Variants in SV2C observed in about 807,000 individuals in gnomAD.
The protein encoded by SV2C is solute carrier family 22 member B3.
A neutral mutation model predicts 79.7 loss-of-function variants in SV2C; 49 were observed. The observed-to-expected ratio is 0.61, with a 90% CI of 0.49 to 0.78. The LOEUF (loss-of-function observed/expected upper bound fraction) is 0.78, where lower values mean the gene tolerates loss of function less well. SV2C is among the 30% of genes least tolerant of loss of function. The probability of loss-of-function intolerance (pLI) is 0.00; values close to 1 mark genes in which losing one functional copy is unlikely to be tolerated. For synonymous variants in SV2C, 334 were observed against 333.2 expected, an observed-to-expected ratio of 1.00 and a Z score of -0.03; for missense variants, 833 against 912.9, an observed-to-expected ratio of 0.91 and a Z score of 1.13.
chr5:76,290,427 T>G (rs576360933), intron 6 of SV2C, among the ~76,000 whole-genome samples: 6 of 152,320 alleles, frequency 3.9e-5, no homozygotes, highest in Admixed American at 2.6e-4. Context: ...CTCTCAGATT[T>G]ATCAAAAACA....
At chr5:76,219,263 G>C (rs554008899) in intron 4 of SV2C, among the ~76,000 whole-genome samples, 2 of 152,182 alleles carry the variant, frequency 1.3e-5, no homozygotes, top group African/African-American at 4.8e-5. Flanking sequence ...ACTTATACCA[G>C]TATTATTTCT....
the SV2C span, among the ~76,000 whole-genome samples, chr5:76,057,975 G>A: frequency 0.026 from 3,884 of 152,202 alleles, 178 homozygotes; most frequent in African/African-American, 0.09. Flanking sequence ...TAGGGACTAT[G>A]TAACGTCCAT....
the SV2C span, among the ~76,000 whole-genome samples, chr5:75,956,315 A>G: frequency 0.23 from 33,422 of 144,470 alleles, 5,109 homozygotes; most frequent in Non-Finnish European, 0.35. Context: ...CAAACACTGC[A>G]TATTCTCACT....
chr5:76,046,288 G>A, the SV2C span, among the ~76,000 whole-genome samples: 149 of 152,260 alleles, frequency 9.8e-4, no homozygotes, highest in African/African-American at 3.2e-3. Context: ...TGTACCATGT[G>A]ATATGGTACA....
intron 12 of SV2C, among the ~76,000 whole-genome samples, chr5:76,307,398 A>G (rs1215691422): frequency 6.6e-6 from 1 of 152,164 alleles, no homozygotes; most frequent in Non-Finnish European, 1.5e-5. Context: ...AAGGGCTAAA[A>G]CAGAGGGGAC....
the SV2C span, among the ~76,000 whole-genome samples, chr5:75,987,132 G>C: frequency 1.3e-5 from 2 of 151,902 alleles, no homozygotes; most frequent in African/African-American, 4.8e-5. Context: ...CACACTGCTC[G>C]CTGTGTTCTA....
Position 76,107,577 on chromosome 5 carries a change from G to T in SV2C, c.-102+24065G>T, listed in dbSNP as rs182022480. Among the ~76,000 whole-genome samples the T allele has an allele frequency of 2.8e-4, 43 of 152,276 alleles. 1 individual carries two copies. In the East Asian group the frequency reaches 7.9e-3, roughly 28 times the overall value. On this transcript the variant is annotated intron_variant, in intron 1 of 12. Transcript: ENST00000502798. ...TTGAAGACCCACAAAAAAGGCAATC[G>T]TCTTGGCTGGACATGGTGGCTCACG...
the SV2C span, among the ~76,000 whole-genome samples, chr5:75,936,505 C>T: frequency 0.017 from 2,619 of 152,200 alleles, 59 homozygotes; most frequent in African/African-American, 0.057. Context: ...GGTTCAGCTC[C>T]GGCTACTAAA....
intron 4 of SV2C, among the ~76,000 whole-genome samples, chr5:76,216,131 A>G (rs984456569): frequency 6.6e-6 from 1 of 152,162 alleles, no homozygotes; most frequent in Non-Finnish European, 1.5e-5. Flanking sequence ...TTTTTGGTGG[A>G]CAGTGGAGTC....
At chr5:75,897,471 C>G in the SV2C span, among the ~76,000 whole-genome samples, 3 of 152,006 alleles carry the variant, frequency 2.0e-5, no homozygotes, top group South Asian at 2.1e-4. Flanking sequence ...GTTACTGTAG[C>G]CTTGTAGTAT....
the SV2C span, among the ~76,000 whole-genome samples, chr5:75,959,688 G>C: frequency 6.6e-6 from 1 of 151,922 alleles, no homozygotes; most frequent in African/African-American, 2.4e-5. Flanking sequence ...ATGACATAAA[G>C]TACAATTCAG....
chr5:76,325,543 T>C lies in SV2C; in HGVS notation c.2180T>C (p.Met727Thr), dbSNP rs1317438438. The change falls in exon 13 of 13, where the codon ATG becomes ACG. Residue 727 changes from methionine to threonine, a missense_variant. Met to Thr is a moderately conservative substitution (Grantham distance 81). Transcript: ENST00000502798. ...CCTGACACACGAACCCAGGTTCTGA[T>C]GTAATGGGAAAAAAAGCCATCCTTC... ...CLPDTRTQVL[M>T] The C allele has an allele frequency of 2.5e-6, 4 of 1,613,248 alleles. No individual in the cohort carries two copies. Among genetic ancestry groups the C allele is most frequent in the Non-Finnish European group, 3.4e-6 (4 of 1,179,678 alleles).
chr5:76,101,270 A>G (rs1295775789), intron 1 of SV2C, among the ~76,000 whole-genome samples: 3 of 152,160 alleles, frequency 2.0e-5, no homozygotes, highest in African/African-American at 7.2e-5. Context: ...ATTTCAGCAG[A>G]AGTTACCTTT....
At chr5:75,968,586 A>T in the SV2C span, among the ~76,000 whole-genome samples, 1 of 152,244 alleles carries the variant, frequency 6.6e-6, no homozygotes, top group South Asian at 2.1e-4. Flanking sequence ...GCAATGGAAG[A>T]TGAAATGAAT....
chr5:76,033,050 G>C, the SV2C span, among the ~76,000 whole-genome samples: 1 of 152,130 alleles, frequency 6.6e-6, no homozygotes, highest in Non-Finnish European at 1.5e-5. Flanking sequence ...GTCTTCTTTT[G>C]AGAAGTGTCT....
At chr5:76,058,746 G>A in the SV2C span, among the ~76,000 whole-genome samples, 1 of 152,022 alleles carries the variant, frequency 6.6e-6, no homozygotes, top group Non-Finnish European at 1.5e-5. Context: ...GTATAGTAAA[G>A]CAAATCTAAT....
At position 76,326,876 on chromosome 5, in the gene SV2C, C is replaced by T. The variant is rs1023837687; in HGVS notation, c.*1329C>T. 9.2e-5 allele frequency: 14 copies of T among 152,278 alleles called. 1 individual carries two copies. The highest frequency in any genetic ancestry group is 7.8e-4 in the Admixed American group (12 of 15,292). 9.4% of individuals were successfully genotyped at this position (152,278 alleles called of 1,614,324 possible). ...ATGACCTTCTCGCCTCTCAGGCTCC[C>T]CTTCCCCCAGGCTCGTCCTTTTTAC... On this transcript the variant is annotated 3_prime_UTR_variant, in exon 13 of 13. Coordinates refer to ENST00000502798, the MANE Select transcript of SV2C (RefSeq NM_014979.4).
At chr5:76,128,868 C>T (rs3888863) in intron 1 of SV2C, among the ~76,000 whole-genome samples, 122,024 of 152,130 alleles carry the variant, frequency 0.8, 49,183 homozygotes, top group Non-Finnish European at 0.84. Flanking sequence ...AGGCCACACC[C>T]GGTGTGTAAG....
At chr5:76,298,190 G>A (rs1055428847) in intron 9 of SV2C, among the ~76,000 whole-genome samples, 4 of 152,124 alleles carry the variant, frequency 2.6e-5, no homozygotes, top group Admixed American at 2.6e-4. Flanking sequence ...TGTTGGCTGT[G>A]AGAAGAAAAA....
Sources: allele counts gnomAD v4.1 joint callset (sites outside exome capture counted in the v4.1 genomes callset), GRCh38; gene constraint gnomAD v4.1.1; transcripts MANE v1.5; gene names NCBI Gene and HGNC (gene_info 2026-07-23, HGNC 2026-07-21).